MMP26: variants seen among roughly 807,000 people sequenced by gnomAD.
MMP26 encodes matrix metalloproteinase-26.
Under a neutral mutation model 31.0 loss-of-function variants are expected in MMP26, and 33 were observed. That is an observed-to-expected ratio of 1.06 (90% CI 0.81 to 1.42). The LOEUF (loss-of-function observed/expected upper bound fraction) is 1.42. Among genes scored for constraint, MMP26 ranks in the 40% most tolerant of loss-of-function variants. The probability of loss-of-function intolerance (pLI) is 0.00; values close to 1 mark genes in which losing one functional copy is unlikely to be tolerated. For missense variants in MMP26, 347 were observed against 316.1 expected, an observed-to-expected ratio of 1.10 and a Z score of -0.74; for synonymous variants, 122 against 114.9, an observed-to-expected ratio of 1.06 and a Z score of -0.40.
At chr11:4,878,411 T>C (rs993141657) in intron 2 of MMP26, among the ~76,000 whole-genome samples, 2 of 152,072 alleles carry the variant, frequency 1.3e-5, no homozygotes, top group African/African-American at 2.4e-5. Context: ...ATTTAAGGGG[T>C]TGGAATCAGA....
At chr11:4,817,986 G>A (rs1297479483) in intron 2 of MMP26, among the ~76,000 whole-genome samples, 1 of 152,154 alleles carries the variant, frequency 6.6e-6, no homozygotes, top group African/African-American at 2.4e-5. Flanking sequence ...GTCTAAACTG[G>A]GGGACAAGAG....
intron 2 of MMP26, among the ~76,000 whole-genome samples, chr11:4,919,759 C>T (rs945852845): frequency 2.0e-5 from 3 of 152,120 alleles, no homozygotes; most frequent in African/African-American, 7.2e-5. Context: ...ATGCTTTCTC[C>T]ATCACCAAGG....
chr11:4,829,611 T>C (rs1849619738), intron 2 of MMP26, among the ~76,000 whole-genome samples: 1 of 152,150 alleles, frequency 6.6e-6, no homozygotes, highest in Admixed American at 6.5e-5. Context: ...CATTACTTTT[T>C]GTTTTGTGAG....
chr11:4,942,112 GAAGT>G (rs1364302337), intron 2 of MMP26, among the ~76,000 whole-genome samples: 1 of 55,816 alleles, frequency 1.8e-5, no homozygotes, highest in Non-Finnish European at 4.1e-5. Context: ...AAAAAAAAAG[GAAGT>G]AAAACCCTAC....
intron 2 of MMP26, among the ~76,000 whole-genome samples, chr11:4,930,300 T>C (rs140342950): frequency 3.1e-3 from 466 of 152,208 alleles, no homozygotes; most frequent in African/African-American, 8.4e-3. Flanking sequence ...AAACCATTTG[T>C]TGCCTAGCTA....
intron 1 of MMP26, chr11:4,722,791 T>C: frequency 4.0e-6 from 4 of 996,570 alleles, no homozygotes; most frequent in Non-Finnish European, 6.3e-6. Flanking sequence ...TGGGTCTCGA[T>C]ATTCTTCACA....
chr11:4,797,396 T>C (rs1849122907), intron 2 of MMP26, among the ~76,000 whole-genome samples: 1 of 152,198 alleles, frequency 6.6e-6, no homozygotes, highest in Admixed American at 6.5e-5. Flanking sequence ...CTCTATTCCT[T>C]TCCTGGAGCA....
At position 4,961,337 on chromosome 11, in the gene MMP26, C is replaced by T. The variant is rs535480696; in HGVS notation, c.-144-26731C>T. ...CTAATTTGGCTTCTGTATCTGTTCC[C>T]TCTGGGCCCCTGGCTGATTCGATGG... On this transcript the variant is annotated intron_variant, in intron 2 of 7. Transcript: ENST00000380390. Among the ~76,000 whole-genome samples, 11 of 152,328 alleles carry T rather than the reference C, an allele frequency of 7.2e-5. No individual in the cohort carries two copies. The South Asian group carries it at 1.9e-3, about 26-fold the overall frequency.
chr11:4,725,755 T>A (rs571099205), intron 1 of MMP26, among the ~76,000 whole-genome samples: 1 of 152,270 alleles, frequency 6.6e-6, no homozygotes, highest in African/African-American at 2.4e-5. Flanking sequence ...GATGACTGAC[T>A]CCCTTTGAGA....
chr11:4,787,000 A>G (rs1589900397), intron 2 of MMP26: 1 of 152,708 alleles, frequency 6.5e-6, no homozygotes, highest in East Asian at 1.9e-4. Flanking sequence ...AATGCCCACG[A>G]CCCTCAGTGT....
chr11:4,860,587 G>A, intron 2 of MMP26: 1 of 433,034 alleles, frequency 2.3e-6, no homozygotes, highest in South Asian at 1.8e-5. Flanking sequence ...ATCGGGTGGG[G>A]CTGGACTCCT....
At chr11:4,897,928 A>T (rs1286556680) in intron 2 of MMP26, among the ~76,000 whole-genome samples, 1 of 148,348 alleles carries the variant, frequency 6.7e-6, no homozygotes, top group African/African-American at 2.4e-5. Context: ...GAAATAATAA[A>T]TAAAAATTAA....
At chr11:4,860,002 C>T (rs763797776) in intron 2 of MMP26, 6 of 470,804 alleles carry the variant, frequency 1.3e-5, no homozygotes, top group African/African-American at 1.0e-4. Flanking sequence ...ACAAGCTAGC[C>T]GCATCATGTT....
intron 1 of MMP26, among the ~76,000 whole-genome samples, chr11:4,716,180 A>G (rs1382181694): frequency 1.3e-5 from 2 of 152,212 alleles, no homozygotes; most frequent in Non-Finnish European, 2.9e-5. Flanking sequence ...ACAATCTCCA[A>G]TTGTTCCTCT....
intron 2 of MMP26, among the ~76,000 whole-genome samples, chr11:4,866,156 A>C (rs1453068527): frequency 1.3e-5 from 2 of 152,150 alleles, no homozygotes; most frequent in African/African-American, 4.8e-5. Flanking sequence ...AAAAAAGTGG[A>C]ATACAAATAA....
chr11:4,892,586 A>G (rs1405282854), intron 2 of MMP26, among the ~76,000 whole-genome samples: 1 of 152,212 alleles, frequency 6.6e-6, no homozygotes, highest in African/African-American at 2.4e-5. Context: ...ACATCCAATC[A>G]TTATTAATTA....
chr11:4,947,264 ATGGT>A (rs10553863), intron 2 of MMP26: 350,012 of 476,996 alleles, frequency 0.73, 152,140 homozygotes, highest in East Asian at 0.83. Context: ...ATGAAGAGAG[ATGGT>A]TGGTTGCTGC....
rs573931771 is a variant in MMP26 at position 4,987,407 on chromosome 11, G to GT, written c.-144-652dup. ...GATTTTTTTTGTTTTGTTTTTTGTGGTTTTTTTTTGTTTTTTGTTTTTTGT... is the reference window on the plus strand; with the variant it reads ...GATTTTTTTTGTTTTGTTTTTTGTGGTTTTTTTTTTGTTTTTTGTTTTTTGT... On this transcript the variant is annotated intron_variant, in intron 2 of 7. Coordinates refer to ENST00000380390, the MANE Select transcript of MMP26 (RefSeq NM_021801.5). Among the ~76,000 whole-genome samples, 743 of 142,440 alleles carry GT rather than the reference G, an allele frequency of 5.2e-3. 2 individuals are homozygous for GT. The highest frequency in any genetic ancestry group is 0.017 in the African/African-American group (573 of 34,556). The allele number at this position is 142,440 out of a possible 152,430, so 93.4% of individuals were successfully genotyped here.
intron 2 of MMP26, among the ~76,000 whole-genome samples, chr11:4,905,481 A>T (rs1048944799): frequency 3.3e-5 from 5 of 152,138 alleles, no homozygotes; most frequent in African/African-American, 1.2e-4. Flanking sequence ...AAGCTTCCAT[A>T]TAAAGGAGCT....
Sources: gnomAD v4.1 joint callset for allele counts (sites outside exome capture counted in the v4.1 genomes callset) on GRCh38, gnomAD v4.1.1 for gene constraint, MANE v1.5 for transcripts, NCBI Gene and HGNC (gene_info 2026-07-23, HGNC 2026-07-21) for gene names.